Variants in KCNMA1 observed in about 807,000 individuals in gnomAD.
The protein encoded by KCNMA1 is potassium calcium-activated channel subfamily M alpha 1.
In KCNMA1, 29 loss-of-function variants were observed where a neutral mutation model predicts 140.0. That is an observed-to-expected ratio of 0.21 (90% CI 0.15 to 0.28). The LOEUF (loss-of-function observed/expected upper bound fraction) is 0.28, where lower values mean the gene tolerates loss of function less well. Ranked by LOEUF, KCNMA1 falls within the 10% of genes least tolerant of loss-of-function variation. The pLI, the probability that KCNMA1 is intolerant of heterozygous loss-of-function variation, is 1.00. For synonymous variants in KCNMA1, 612 were observed against 611.9 expected, an observed-to-expected ratio of 1.00 and a Z score of 0.00; for missense variants, 880 against 1,602.2, an observed-to-expected ratio of 0.55 and a Z score of 7.70.
chr10:77,398,857 C>A (rs1743311685), intron 2 of KCNMA1, among the ~76,000 whole-genome samples: 1 of 152,196 alleles, frequency 6.6e-6, no homozygotes, highest in Non-Finnish European at 1.5e-5. Context: ...ATACTAAAAC[C>A]TACACCATAC....
At chr10:77,607,275 A>C (rs1028357173) in intron 1 of KCNMA1, among the ~76,000 whole-genome samples, 9 of 152,278 alleles carry the variant, frequency 5.9e-5, no homozygotes, top group African/African-American at 2.2e-4. Context: ...CAGCTGACGG[A>C]CTAGACCGAT....
intron 2 of KCNMA1, among the ~76,000 whole-genome samples, chr10:77,258,939 G>C (rs2061394312): frequency 1.3e-5 from 2 of 151,700 alleles, no homozygotes; most frequent in African/African-American, 4.9e-5. Context: ...CTGCAGCCTG[G>C]GCAACAGAGC....
At chr10:77,144,191 T>C (rs2098242873) in intron 5 of KCNMA1, among the ~76,000 whole-genome samples, 1 of 152,202 alleles carries the variant, frequency 6.6e-6, no homozygotes, top group Non-Finnish European at 1.5e-5. Context: ...CAGGGTGGTT[T>C]GATAAACAAA....
At chr10:77,288,165 T>C (rs1279337297) in intron 2 of KCNMA1, among the ~76,000 whole-genome samples, 1 of 152,236 alleles carries the variant, frequency 6.6e-6, no homozygotes, top group Admixed American at 6.5e-5. Context: ...TCCAGTGACT[T>C]GGAGTTGTTG....
At chr10:77,503,971 G>C (rs912008251) in intron 1 of KCNMA1, among the ~76,000 whole-genome samples, 4 of 152,142 alleles carry the variant, frequency 2.6e-5, no homozygotes, top group South Asian at 4.1e-4. Flanking sequence ...CCAATGTTCA[G>C]CTTGGCAAAC....
chr10:77,582,543 A>G (rs1002418454), intron 1 of KCNMA1, among the ~76,000 whole-genome samples: 6 of 152,246 alleles, frequency 3.9e-5, no homozygotes, highest in Admixed American at 2.0e-4. Context: ...ACAAACCTGC[A>G]TGTTCTGCAC....
chr10:77,526,851 A>G (rs562671108), intron 1 of KCNMA1, among the ~76,000 whole-genome samples: 2 of 150,248 alleles, frequency 1.3e-5, no homozygotes, highest in Non-Finnish European at 3.0e-5. Flanking sequence ...CCCCCTCTCC[A>G]ACTTCCCATC....
At chr10:77,400,598 A>G (rs1419475427) in intron 2 of KCNMA1, among the ~76,000 whole-genome samples, 1 of 152,246 alleles carries the variant, frequency 6.6e-6, no homozygotes, top group Non-Finnish European at 1.5e-5. Flanking sequence ...GCTGGCAGGT[A>G]CTAGCCTGGC....
rs149174434 is a variant in KCNMA1 at position 77,174,743 on chromosome 10, C to T, written c.808+8678G>A. The stretch of plus-strand genomic sequence containing the variant: ...AGCTGGTGGAAATGTAGATCTCTGA[C>T]GTTAGCATAGGCTTCCTAAATCAGA... On this transcript the variant is annotated intron_variant, in intron 5 of 27. Transcript: ENST00000286628. 3.8e-4 allele frequency among the ~76,000 whole-genome samples: 58 copies of T among 151,710 alleles called. 1 individual carries two copies. The highest frequency in any genetic ancestry group is 1.3e-3 in the African/African-American group (54 of 41,336).
At chr10:77,626,713 C>T (rs2092574828) in intron 1 of KCNMA1, among the ~76,000 whole-genome samples, 1 of 152,184 alleles carries the variant, frequency 6.6e-6, no homozygotes, top group Non-Finnish European at 1.5e-5. Context: ...ACCCTTCCAA[C>T]GCTTCACCTC....
At chr10:77,509,127 T>C (rs993251116) in intron 1 of KCNMA1, among the ~76,000 whole-genome samples, 1 of 151,914 alleles carries the variant, frequency 6.6e-6, no homozygotes, top group African/African-American at 2.4e-5. Context: ...TTGTTGTTGT[T>C]GTTGTTGTTG....
At chr10:76,913,714 A>C in intron 24 of KCNMA1, 1 of 240,070 alleles carries the variant, frequency 4.2e-6, no homozygotes, top group African/African-American at 2.2e-5. Context: ...TTGGAAGAGG[A>C]GTAGAAGGGA....
intron 3 of KCNMA1, among the ~76,000 whole-genome samples, chr10:77,212,301 C>T (rs1372794526): frequency 2.0e-5 from 3 of 152,126 alleles, no homozygotes; most frequent in South Asian, 2.1e-4. Context: ...TTTGTGGTAA[C>T]GGGAATGGAG....
chr10:77,085,018 T>C (rs186687307), intron 11 of KCNMA1, among the ~76,000 whole-genome samples: 1 of 152,286 alleles, frequency 6.6e-6, no homozygotes, highest in Admixed American at 6.5e-5. Flanking sequence ...AACAATTAAT[T>C]AAGCCTTTCA....
intron 2 of KCNMA1, among the ~76,000 whole-genome samples, chr10:77,277,716 C>T (rs1172793971): frequency 6.6e-6 from 1 of 152,184 alleles, no homozygotes; most frequent in East Asian, 1.9e-4. Flanking sequence ...CTCCCACTGC[C>T]CCAACCTGGA....
intron 18 of KCNMA1, among the ~76,000 whole-genome samples, chr10:77,007,653 G>GTGTGTGTGTATATATATATATATATATA: frequency 0.012 from 1,097 of 88,024 alleles, 20 homozygotes; most frequent in African/African-American, 0.021. Flanking sequence ...TTGTGTGTGT[G>GTGTGTGTGTATATATATATATATATATA]TATATATATA....
intron 23 of KCNMA1, among the ~76,000 whole-genome samples, chr10:76,941,027 AAGAAAGAAAGAAAGAAAGAAAGAAAG>A (rs2061922652): frequency 1.6e-5 from 1 of 63,080 alleles, no homozygotes; most frequent in Non-Finnish European, 3.2e-5. Context: ...GGAAGAAAGA[AAGAAAGAAAGAAAGAAAGAAAGAAAG>A]AGAAAGAAAG....
chr10:77,127,125 A>G lies in KCNMA1; in HGVS notation c.809-6077T>C, dbSNP rs1021696919. ...ACACACACACACACACACACAGAGT[A>G]CATATAGTGTTACTATTATTTTAAA... On this transcript the variant is annotated intron_variant, in intron 5 of 27. Coordinates refer to ENST00000286628, the MANE Select transcript of KCNMA1 (RefSeq NM_001161352.2). Among the ~76,000 whole-genome samples the G allele has an allele frequency of 2.7e-5, 4 of 149,262 alleles. No individual in the cohort carries two copies. In the Admixed American group the frequency reaches 2.7e-4, roughly 10 times the overall value.
chr10:77,079,270 CAAAA>C (rs1185946279), intron 13 of KCNMA1, among the ~76,000 whole-genome samples: 1 of 148,240 alleles, frequency 6.7e-6, no homozygotes, highest in East Asian at 2.0e-4. Context: ...GACTCCATCC[CAAAA>C]AAAAAGAAAG....
Sources: allele counts gnomAD v4.1 joint callset (sites outside exome capture counted in the v4.1 genomes callset), GRCh38; gene constraint gnomAD v4.1.1; transcripts MANE v1.5; gene names NCBI Gene and HGNC (gene_info 2026-07-23, HGNC 2026-07-21).